The following ADGRL2 variants were observed in gnomAD, a reference collection of about 807,000 sequenced individuals.
ADGRL2 encodes the protein calcium-independent alpha-latrotoxin receptor 2.
Under a neutral mutation model 157.4 loss-of-function variants are expected in ADGRL2, and 44 were observed. That is an observed-to-expected ratio of 0.28 (90% CI 0.22 to 0.36). ADGRL2 has a LOEUF of 0.36. Among genes scored for constraint, ADGRL2 ranks in the 10% least tolerant of loss-of-function variants. ADGRL2 has a pLI of 1.00. For synonymous variants in ADGRL2, 585 were observed against 624.7 expected, an observed-to-expected ratio of 0.94 and a Z score of 0.95; for missense variants, 1,510 against 1,768.9, an observed-to-expected ratio of 0.85 and a Z score of 2.63.
At chr1:81,433,855 G>T (rs1429000514) in intron 1 of ADGRL2, among the ~76,000 whole-genome samples, 2 of 152,190 alleles carry the variant, frequency 1.3e-5, no homozygotes, top group Non-Finnish European at 2.9e-5. Context: ...CTGAAGTCAT[G>T]TAAAGGCTTC....
chr1:81,907,663 A>G (rs1287152097), intron 3 of ADGRL2, among the ~76,000 whole-genome samples: 3 of 152,184 alleles, frequency 2.0e-5, no homozygotes, highest in South Asian at 4.2e-4. Context: ...TCTTATTAAA[A>G]TCAAGTAGAA....
intron 2 of ADGRL2, among the ~76,000 whole-genome samples, chr1:81,462,363 G>T (rs1405170064): frequency 6.6e-6 from 1 of 152,132 alleles, no homozygotes; most frequent in East Asian, 1.9e-4. Flanking sequence ...AAATCTTGCT[G>T]CTACTCAGTC....
In ADGRL2 at chr1:81,703,422, C is replaced by CTGT. The variant is rs556346925; in HGVS notation, c.-143+3633_-143+3635dup. On this transcript the variant is annotated intron_variant, in intron 1 of 20. Coordinates refer to the ADGRL2 transcript ENST00000359929. ...ATGCTAGCTAGAGAGTTTTTGTTTTCTGTTGTTGTTGTTGTTGTTGTCTTA... is the reference window on the plus strand; with the variant it reads ...ATGCTAGCTAGAGAGTTTTTGTTTTCTGTTGTTGTTGTTGTTGTTGTTGTCTTA... 6.6e-4 allele frequency among the ~76,000 whole-genome samples: 101 copies of CTGT among 151,962 alleles called. 1 individual carries two copies. The highest frequency in any genetic ancestry group is 1.2e-3 in the South Asian group (6 of 4,812).
chr1:81,556,953 C>T (rs1038914923), intron 2 of ADGRL2, among the ~76,000 whole-genome samples: 2 of 151,232 alleles, frequency 1.3e-5, no homozygotes, highest in African/African-American at 2.4e-5. Flanking sequence ...GTGTCGTATG[C>T]CTGTAATCCC....
chr1:81,788,544 C>A (rs1044325227), intron 2 of ADGRL2, among the ~76,000 whole-genome samples: 1 of 152,182 alleles, frequency 6.6e-6, no homozygotes, highest in East Asian at 1.9e-4. Flanking sequence ...AAATAAACTT[C>A]TTTTCCCTAT....
At chr1:81,895,595 A>G (rs899038940) in intron 2 of ADGRL2, among the ~76,000 whole-genome samples, 5 of 151,870 alleles carry the variant, frequency 3.3e-5, no homozygotes, top group African/African-American at 7.3e-5. Context: ...GGGTTTCACC[A>G]TGTTGGCCAG....
At chr1:81,501,932 A>G (rs1413084323) in intron 2 of ADGRL2, 1 of 1,613,396 alleles carries the variant, frequency 6.2e-7, no homozygotes, top group East Asian at 2.2e-5. Context: ...CACGCAGCCG[A>G]CTCTCTTTTC....
intron 3 of ADGRL2, among the ~76,000 whole-genome samples, chr1:81,618,761 C>T (rs1329887906): frequency 2.0e-5 from 3 of 152,104 alleles, no homozygotes; most frequent in Non-Finnish European, 4.4e-5. Flanking sequence ...AACTGTGACA[C>T]TTTATCTTAT....
intron 1 of ADGRL2, among the ~76,000 whole-genome samples, chr1:81,730,499 G>T (rs1439232509): frequency 6.6e-6 from 1 of 152,154 alleles, no homozygotes; most frequent in Non-Finnish European, 1.5e-5. Context: ...GAGGTGAGTG[G>T]ATCACTTGAG....
chr1:81,735,626 C>T (rs1010931773), intron 1 of ADGRL2, among the ~76,000 whole-genome samples: 5 of 151,392 alleles, frequency 3.3e-5, no homozygotes, highest in Admixed American at 2.0e-4. Flanking sequence ...CCCATCTTTA[C>T]TAAAAATACA....
At chr1:81,955,588 TCAA>T (rs767007290) in intron 10 of ADGRL2, among the ~76,000 whole-genome samples, 12 of 152,290 alleles carry the variant, frequency 7.9e-5, no homozygotes, top group Non-Finnish European at 1.6e-4. Flanking sequence ...CAGGTGGTTG[TCAA>T]CTATCAACAA....
intron 1 of ADGRL2, among the ~76,000 whole-genome samples, chr1:81,710,521 G>C (rs1247521935): frequency 6.6e-6 from 1 of 150,896 alleles, no homozygotes; most frequent in Non-Finnish European, 1.5e-5. Flanking sequence ...TCGGGAGGCT[G>C]AGGCATGAAA....
intron 2 of ADGRL2, among the ~76,000 whole-genome samples, chr1:81,567,996 A>T (rs1358342466): frequency 6.6e-6 from 1 of 151,906 alleles, no homozygotes; most frequent in Non-Finnish European, 1.5e-5. Flanking sequence ...ACTTTTTTTT[A>T]AGTCTGCTTG....
upstream of ADGRL2, among the ~76,000 whole-genome samples, chr1:81,696,690 T>G (rs1198547507): frequency 1.3e-5 from 2 of 152,084 alleles, no homozygotes; most frequent in South Asian, 2.1e-4. Flanking sequence ...AGGCGGAGCT[T>G]GCAGTGAGCC....
chr1:81,861,955 T>G (rs1319804074), intron 2 of ADGRL2, among the ~76,000 whole-genome samples: 1 of 152,248 alleles, frequency 6.6e-6, no homozygotes, highest in Non-Finnish European at 1.5e-5. Context: ...TTATGTGTTA[T>G]TTTGTTGTAG....
chr1:81,576,919 A>C (rs1389209587), intron 2 of ADGRL2, among the ~76,000 whole-genome samples: 5 of 152,166 alleles, frequency 3.3e-5, no homozygotes, highest in Non-Finnish European at 5.9e-5. Flanking sequence ...TCTCAGTCCT[A>C]GTCTGGGACA....
At chr1:81,791,066 CA>C (rs11411906) in intron 2 of ADGRL2, among the ~76,000 whole-genome samples, 991 of 37,390 alleles carry the variant, frequency 0.027, 3 homozygotes, top group Middle Eastern at 0.059. Flanking sequence ...GACCCTATCT[CA>C]AAAAAAAAAA....
chr1:81,920,670 A>G (rs891886669), intron 3 of ADGRL2, among the ~76,000 whole-genome samples: 47 of 152,214 alleles, frequency 3.1e-4, no homozygotes, highest in Middle Eastern at 3.4e-3. Flanking sequence ...TTGCGACTGC[A>G]CTGGAGTTCG....
At chr1:81,892,470 C>T (rs1263147337) in intron 2 of ADGRL2, among the ~76,000 whole-genome samples, 1 of 152,036 alleles carries the variant, frequency 6.6e-6, no homozygotes, top group South Asian at 2.1e-4. Flanking sequence ...AGATTGTGTT[C>T]TTATTTCATT....
Sources: allele counts gnomAD v4.1 joint callset (sites outside exome capture counted in the v4.1 genomes callset), GRCh38; gene constraint gnomAD v4.1.1; transcripts MANE v1.5; gene names NCBI Gene and HGNC (gene_info 2026-07-23, HGNC 2026-07-21).